The following NTM variants were observed in gnomAD, a reference collection of about 807,000 sequenced individuals.
The protein encoded by NTM is IgLON family member 2.
Under a neutral mutation model 42.1 loss-of-function variants are expected in NTM, and 13 were observed. The ratio of observed to expected loss-of-function variants is 0.31; its 90% CI spans 0.20 to 0.49. The LOEUF (loss-of-function observed/expected upper bound fraction) is 0.49, where lower values mean the gene tolerates loss of function less well. Ranked by LOEUF, NTM falls within the 20% of genes least tolerant of loss-of-function variation. The pLI is 0.99. For missense variants in NTM, 373 were observed against 452.8 expected (o/e 0.82, Z 1.60); for synonymous variants, 187 against 179.2 (o/e 1.04, Z -0.35).
intron 4 of NTM, among the ~76,000 whole-genome samples, chr11:132,269,949 C>G (rs2093399218): frequency 6.6e-6 from 1 of 152,170 alleles, no homozygotes; most frequent in Non-Finnish European, 1.5e-5. Flanking sequence ...AAATTGTATA[C>G]AGTCAGGTAA....
chr11:131,771,977 A>C (rs760429230), intron 1 of NTM, among the ~76,000 whole-genome samples: 1 of 152,146 alleles, frequency 6.6e-6, no homozygotes, highest in Non-Finnish European at 1.5e-5. Context: ...TGCCATTTTC[A>C]AATCTATTTT....
At chr11:131,424,601 T>TTTTC (rs1555108124) in intron 1 of NTM, among the ~76,000 whole-genome samples, 4 of 82,326 alleles carry the variant, frequency 4.9e-5, no homozygotes, top group Non-Finnish European at 7.0e-5. Flanking sequence ...TTTTCTTTTC[T>TTTTC]TTTTTTTTTT....
At chr11:132,176,873 G>A (rs912996676) in intron 3 of NTM, among the ~76,000 whole-genome samples, 1 of 151,432 alleles carries the variant, frequency 6.6e-6, no homozygotes, top group African/African-American at 2.4e-5. Flanking sequence ...GGATTACAGG[G>A]GCCCACCACC....
intron 2 of NTM, among the ~76,000 whole-genome samples, chr11:132,033,891 A>G (rs920056056): frequency 2.6e-5 from 4 of 152,194 alleles, no homozygotes; most frequent in Admixed American, 2.6e-4. Context: ...GAGATTGATG[A>G]TGTGGTTAGT....
intron 3 of NTM, among the ~76,000 whole-genome samples, chr11:132,147,175 TTGTGTGTGTG>T (rs751528769): frequency 0.25 from 30,692 of 123,356 alleles, 4,389 homozygotes; most frequent in Non-Finnish European, 0.35. Context: ...CCTTGTATGT[TTGTGTGTGTG>T]TGTGTGTGTG....
chr11:131,718,635 G>A (rs775591770), intron 1 of NTM, among the ~76,000 whole-genome samples: 20 of 152,110 alleles, frequency 1.3e-4, no homozygotes, highest in Admixed American at 2.6e-4. Flanking sequence ...TTGCACACAT[G>A]CCCTGATCAG....
chr11:131,384,534 G>A (rs750331971), intron 1 of NTM, among the ~76,000 whole-genome samples: 1 of 150,414 alleles, frequency 6.6e-6, no homozygotes, highest in East Asian at 2.0e-4. Flanking sequence ...GAAAATGAGT[G>A]TAATTATTTC....
At chr11:131,643,386 G>A (rs1443344877) in intron 1 of NTM, among the ~76,000 whole-genome samples, 1 of 152,196 alleles carries the variant, frequency 6.6e-6, no homozygotes, top group Non-Finnish European at 1.5e-5. Context: ...ACCCGGGTGT[G>A]CGCGGAGCGG....
At chr11:131,987,155 C>A (rs2027785) in intron 2 of NTM, among the ~76,000 whole-genome samples, 41,344 of 152,056 alleles carry the variant, frequency 0.27, 6,144 homozygotes, top group South Asian at 0.49. Context: ...AGTTATTTGT[C>A]TAAAGTTGTA....
At chr11:131,495,231 C>T (rs1175885573) in intron 1 of NTM, among the ~76,000 whole-genome samples, 1 of 152,170 alleles carries the variant, frequency 6.6e-6, no homozygotes, top group Non-Finnish European at 1.5e-5. Context: ...GGACAGCCAG[C>T]ACAACCTGCC....
chr11:132,325,814 A>C (rs943563047), intron 7 of NTM, among the ~76,000 whole-genome samples: 2 of 152,244 alleles, frequency 1.3e-5, no homozygotes, highest in Admixed American at 6.5e-5. Context: ...TGGCACATAT[A>C]CACCACGGAA....
intron 1 of NTM, among the ~76,000 whole-genome samples, chr11:131,666,960 C>T (rs1388263120): frequency 1.3e-5 from 2 of 152,144 alleles, no homozygotes; most frequent in Non-Finnish European, 2.9e-5. Flanking sequence ...GGGTCTGGGG[C>T]CGTGCAGTGT....
intron 1 of NTM, among the ~76,000 whole-genome samples, chr11:131,696,502 T>A (rs555425549): frequency 7.2e-4 from 110 of 152,310 alleles, no homozygotes; most frequent in African/African-American, 2.2e-3. Context: ...ATTTTCCATA[T>A]GGATTCTGGA....
At chr11:132,037,922 T>C (rs2076704192) in intron 2 of NTM, among the ~76,000 whole-genome samples, 1 of 152,262 alleles carries the variant, frequency 6.6e-6, no homozygotes, top group Admixed American at 6.5e-5. Flanking sequence ...GATAACTCCA[T>C]GTCCGTGCAC....
chr11:131,512,736 G>T (rs7126707), intron 1 of NTM, among the ~76,000 whole-genome samples: 18,628 of 152,066 alleles, frequency 0.12, 1,365 homozygotes, highest in East Asian at 0.26. Flanking sequence ...CGGGATGCCT[G>T]GCCTTCTCGC....
chr11:131,960,544 T>TC (rs11413412), intron 2 of NTM, among the ~76,000 whole-genome samples: 109,985 of 152,024 alleles, frequency 0.72, 40,036 homozygotes, highest in East Asian at 0.95. Context: ...CCCCTAATGT[T>TC]CATATAAACT....
intron 2 of NTM, among the ~76,000 whole-genome samples, chr11:131,983,067 T>TTTTTTTTTTTTTTTTTAATA (rs398115982): frequency 6.6e-6 from 1 of 151,838 alleles, no homozygotes. Context: ...TTTTTTTTTT[T>TTTTTTTTTTTTTTTTTAATA]AGTCATACTA....
intron 7 of NTM, chr11:132,317,647 C>CG: frequency 7.7e-7 from 1 of 1,302,190 alleles, no homozygotes; most frequent in African/African-American, 1.5e-5. Context: ...GTCCCTCAAC[C>CG]GATTTAGAAC....
At chr11:131,551,432 A>AAAAC (rs1021031878) in intron 1 of NTM, among the ~76,000 whole-genome samples, 3 of 152,138 alleles carry the variant, frequency 2.0e-5, no homozygotes, top group African/African-American at 7.2e-5. Flanking sequence ...AAAAAAAAAA[A>AAAAC]AAACGCACGA....
Sources: gnomAD v4.1 joint callset for allele counts (sites outside exome capture counted in the v4.1 genomes callset) on GRCh38, gnomAD v4.1.1 for gene constraint, MANE v1.5 for transcripts, NCBI Gene and HGNC (gene_info 2026-07-23, HGNC 2026-07-21) for gene names.